RIN2: variants seen among roughly 807,000 people sequenced by gnomAD.
RIN2 encodes Ras and Rab interactor 2.
Under a neutral mutation model 78.0 loss-of-function variants are expected in RIN2, and 36 were observed. The ratio of observed to expected loss-of-function variants is 0.46; its 90% CI spans 0.35 to 0.61. The LOEUF (loss-of-function observed/expected upper bound fraction) is 0.61, where lower values mean the gene tolerates loss of function less well. Ranked by LOEUF, RIN2 falls within the 20% of genes least tolerant of loss-of-function variation. RIN2 has a pLI of 0.00. For missense variants in RIN2, 1,087 were observed against 1,159.7 expected, an observed-to-expected ratio of 0.94 and a Z score of 0.91; for synonymous variants, 466 against 466.8, an observed-to-expected ratio of 1.00 and a Z score of 0.02.
intron 2 of RIN2, among the ~76,000 whole-genome samples, chr20:19,888,131 G>T (rs1305821340): frequency 6.6e-6 from 1 of 152,260 alleles, no homozygotes; most frequent in East Asian, 1.9e-4. Flanking sequence ...ATCACAAGTG[G>T]AAAGAAACAC....
intron 3 of RIN2, among the ~76,000 whole-genome samples, chr20:19,894,398 T>G (rs925058032): frequency 2.0e-5 from 3 of 152,102 alleles, no homozygotes; most frequent in African/African-American, 7.2e-5. Context: ...TTAAAAAAAT[T>G]TTTTTAAATT....
At chr20:19,801,278 CTTTAT>C (rs200938634) in intron 2 of RIN2, among the ~76,000 whole-genome samples, 23 of 151,694 alleles carry the variant, frequency 1.5e-4, no homozygotes, top group African/African-American at 4.9e-4. Flanking sequence ...TCAAGTAATT[CTTTAT>C]TTTATTTTAT....
chr20:19,966,822 GGGCAGGATCTCTTAA>G (rs2146285362), intron 7 of RIN2, among the ~76,000 whole-genome samples: 1 of 152,260 alleles, frequency 6.6e-6, no homozygotes, highest in East Asian at 1.9e-4. Flanking sequence ...GCCATGATTT[GGGCAGGATCTCTTAA>G]GCCTGTGTAA....
At chr20:19,947,077 T>G (rs943871633) in intron 4 of RIN2, among the ~76,000 whole-genome samples, 1 of 150,028 alleles carries the variant, frequency 6.7e-6, no homozygotes, top group Non-Finnish European at 1.5e-5. Flanking sequence ...GGAAACACAC[T>G]GAATACATAT....
At chr20:19,886,681 A>G (rs1568571845) in intron 2 of RIN2, 2 of 1,517,910 alleles carry the variant, frequency 1.3e-6, no homozygotes, top group African/African-American at 1.5e-5. Flanking sequence ...TGTTGGACTC[A>G]TTTTCTCAAG....
chr20:19,831,051 A>T (rs949423251), intron 2 of RIN2, among the ~76,000 whole-genome samples: 1 of 152,094 alleles, frequency 6.6e-6, no homozygotes, highest in Non-Finnish European at 1.5e-5. Context: ...TCTGTCTCCA[A>T]GTCTGCTTCT....
chr20:19,939,571 ACT>A (rs2040778770), intron 4 of RIN2, among the ~76,000 whole-genome samples: 3 of 151,982 alleles, frequency 2.0e-5, no homozygotes, highest in African/African-American at 7.3e-5. Flanking sequence ...GGCCTTCAAG[ACT>A]CTATAAGATG....
chr20:19,921,617 G>A (rs1160236250), intron 3 of RIN2, among the ~76,000 whole-genome samples: 1 of 152,176 alleles, frequency 6.6e-6, no homozygotes, highest in Non-Finnish European at 1.5e-5. Flanking sequence ...GAGCATCTCT[G>A]GCTCCAGGAA....
chr20:19,857,096 TC>T (rs1247352387), intron 2 of RIN2, among the ~76,000 whole-genome samples: 1 of 152,180 alleles, frequency 6.6e-6, no homozygotes, highest in South Asian at 2.1e-4. Context: ...ATTTTCATTA[TC>T]CCGGATGGTT....
intron 2 of RIN2, among the ~76,000 whole-genome samples, chr20:19,802,236 G>A (rs2035263294): frequency 6.6e-6 from 1 of 152,170 alleles, no homozygotes; most frequent in African/African-American, 2.4e-5. Flanking sequence ...CAGTTAGGCA[G>A]TATCAAGGCG....
intron 2 of RIN2, among the ~76,000 whole-genome samples, chr20:19,875,611 A>G (rs2037832378): frequency 6.6e-6 from 1 of 152,210 alleles, no homozygotes; most frequent in Non-Finnish European, 1.5e-5. Flanking sequence ...GTCCAGCCTA[A>G]GCAACAGATT....
intron 9 of RIN2, among the ~76,000 whole-genome samples, chr20:19,981,236 G>A (rs1052883406): frequency 1.6e-4 from 24 of 152,136 alleles, no homozygotes; most frequent in African/African-American, 5.3e-4. Flanking sequence ...GGGAATTACC[G>A]CTGCCTTCCA....
intron 2 of RIN2, among the ~76,000 whole-genome samples, chr20:19,829,349 C>T (rs1286251992): frequency 6.7e-6 from 1 of 149,484 alleles, no homozygotes; most frequent in East Asian, 2.0e-4. Flanking sequence ...GAGATGAAGC[C>T]AAAAAAAGAA....
At chr20:19,846,423 T>TCTC (rs61648683) in intron 2 of RIN2, among the ~76,000 whole-genome samples, 3,029 of 152,230 alleles carry the variant, frequency 0.02, 103 homozygotes, top group African/African-American at 0.068. Flanking sequence ...GGTTTGTAGT[T>TCTC]CTTGAAGAAG....
chr20:19,798,391 T>C (rs1229159297), intron 1 of RIN2, among the ~76,000 whole-genome samples: 1 of 151,942 alleles, frequency 6.6e-6, no homozygotes, highest in Non-Finnish European at 1.5e-5. Flanking sequence ...AAGGGATGTG[T>C]GTGCATCTGT....
chr20:19,762,754 TA>T (rs2033692197), intron 1 of RIN2, among the ~76,000 whole-genome samples: 1 of 150,802 alleles, frequency 6.6e-6, no homozygotes, highest in South Asian at 2.1e-4. Flanking sequence ...GAATGTGATT[TA>T]TTTTATTTAT....
At chr20:19,967,239 C>T (rs1379648682) in intron 7 of RIN2, among the ~76,000 whole-genome samples, 1 of 152,090 alleles carries the variant, frequency 6.6e-6, no homozygotes, top group African/African-American at 2.4e-5. Flanking sequence ...ACACATGATA[C>T]CAATATATAA....
chr20:19,884,329 G>T (rs2038114776), intron 2 of RIN2, among the ~76,000 whole-genome samples: 1 of 152,098 alleles, frequency 6.6e-6, no homozygotes, highest in African/African-American at 2.4e-5. Context: ...GGAGGCTGAG[G>T]TGGGAGAATC....
In RIN2 at chr20:20,000,852, C is replaced by T. The variant is rs1026393464; in HGVS notation, c.2604C>T (p.Ile868=). The T allele has an allele frequency of 5.0e-6, 8 of 1,614,038 alleles. No individual in the cohort carries two copies. Among genetic ancestry groups the T allele is most frequent in the Non-Finnish European group, 6.8e-6 (8 of 1,179,898 alleles). The stretch of plus-strand genomic sequence containing the variant: ...TGCACAGCCGACCACAGCCCCACAT[C>T]TTCCACTTTGTCTACAAACGCATCA... ...AELHSRPQPH[I]FHFVYKRIKN... is the part of the protein sequence containing the mutation. The change falls in exon 13 of 13, where the codon ATC becomes ATT. Residue 868 remains isoleucine (I), a synonymous_variant. Transcript: ENST00000255006.
Sources: allele counts gnomAD v4.1 joint callset (sites outside exome capture counted in the v4.1 genomes callset), GRCh38; gene constraint gnomAD v4.1.1; transcripts MANE v1.5; gene names NCBI Gene and HGNC (gene_info 2026-07-23, HGNC 2026-07-21).